Variants in MAP1B observed in about 807,000 individuals in gnomAD.
The protein encoded by MAP1B is microtubule associated protein 1B.
A neutral mutation model predicts 176.1 loss-of-function variants in MAP1B; 12 were observed. The ratio of observed to expected loss-of-function variants is 0.07; its 90% confidence interval spans 0.04 to 0.11. The LOEUF (loss-of-function observed/expected upper bound fraction) is 0.11, where lower values mean the gene tolerates loss of function less well. Among genes scored for constraint, MAP1B ranks in the 10% least tolerant of loss-of-function variants. The pLI, the probability that MAP1B is intolerant of heterozygous loss-of-function variation, is 1.00. For synonymous variants in MAP1B, 1,044 were observed against 1,135.0 expected, an observed-to-expected ratio of 0.92 and a Z score of 1.61; for missense variants, 2,523 against 2,990.5, an observed-to-expected ratio of 0.84 and a Z score of 3.65.
At chr5:72,183,964 C>T in intron 3 of MAP1B, 139 bp downstream of exon 3, 1 of 683,878 alleles carries the variant, frequency 1.5e-6, no homozygotes, top group South Asian at 1.9e-5. Context: ...TCTTTCTCAA[C>T]CCCCATTAAG....
chr5:72,122,872 C>T (rs1745556655), intron 2 of MAP1B, among the ~76,000 whole-genome samples: 1 of 152,192 alleles, frequency 6.6e-6, no homozygotes, highest in African/African-American at 2.4e-5. Flanking sequence ...AAGGACAGCA[C>T]CTCATGCTGA....
chr5:72,150,905 G>A (rs1385469304), intron 2 of MAP1B, among the ~76,000 whole-genome samples: 1 of 152,196 alleles, frequency 6.6e-6, no homozygotes, highest in Non-Finnish European at 1.5e-5. Context: ...GGGTAGGTCA[G>A]CTGTGGAGGT....
Position 72,194,711 on chromosome 5 carries a change from T to C in MAP1B, c.1356T>C (p.Ile452=), listed in dbSNP as rs2112232445. ...TGTNKDKAEF[I]LPNGQEVDLP... ...CCAACAAAGACAAGGCTGAATTCAT[T>C]CTGCCTAATGGTCAAGAAGTAGATC... is the stretch of plus-strand genomic sequence containing the variant. Residue 452 remains isoleucine (I), a synonymous_variant, in exon 5 of 7, where the codon ATT becomes ATC. Coordinates refer to ENST00000296755, the MANE Select transcript of MAP1B (RefSeq NM_005909.5). The surrounding 1 kb of genome is among the most constrained non-coding windows in gnomAD (Gnocchi z 7.2). 1 of 1,614,208 alleles carries C rather than the reference T, an allele frequency of 6.2e-7. No homozygotes were observed. The highest frequency in any genetic ancestry group is 8.5e-7 in the Non-Finnish European group (1 of 1,180,042).
chr5:72,120,599 T>G (rs1745510368), intron 2 of MAP1B, among the ~76,000 whole-genome samples: 1 of 151,808 alleles, frequency 6.6e-6, no homozygotes, highest in Non-Finnish European at 1.5e-5. Flanking sequence ...TATTTTTTTT[T>G]GTATTTTTAG....
intron 2 of MAP1B, among the ~76,000 whole-genome samples, chr5:72,171,727 C>T (rs554556962): frequency 1.3e-5 from 2 of 152,194 alleles, no homozygotes; most frequent in Admixed American, 6.5e-5. Flanking sequence ...GGATAAAGAA[C>T]AGGAAAGTAG....
intron 1 of MAP1B, among the ~76,000 whole-genome samples, chr5:72,113,766 A>C (rs567660062): frequency 6.8e-4 from 104 of 152,360 alleles, no homozygotes; most frequent in African/African-American, 2.4e-3. Flanking sequence ...AACAATACCA[A>C]TTAAGCAGCT....
chr5:72,193,810 C>T (rs1747082248), intron 4 of MAP1B, 56 bp from the exon 5 acceptor site: 1 of 1,471,086 alleles, frequency 6.8e-7, no homozygotes, highest in African/African-American at 1.4e-5. Flanking sequence ...GATGATGGAT[C>T]AGTGATGATA....
rs1747252245 is a variant in MAP1B at position 72,198,881 on chromosome 5, A to C, written c.5526A>C (p.Gln1842His). Reference sequence around the variant, plus strand: ...CCTCAGTGTTATTCGATACAATGCAACACCATCTAGCCTTGAATAGAGATT... The same window carrying C: ...CCTCAGTGTTATTCGATACAATGCACCACCATCTAGCCTTGAATAGAGATT... ...FRASVLFDTM[Q>H]HHLALNRDLS... Residue 1842 changes from glutamine (Q) to histidine (H), a missense_variant, in exon 5 of 7, where the codon CAA becomes CAC. Physicochemically the swap from Gln to His is conservative, Grantham distance 24. Transcript: ENST00000296755. 3 of 1,614,202 alleles carry C rather than the reference A, an allele frequency of 1.9e-6. No individual in the cohort carries two copies. The highest frequency in any genetic ancestry group is 2.5e-6 in the Non-Finnish European group (3 of 1,180,040).
Position 72,196,537 on chromosome 5 carries a change from A to G in MAP1B, c.3182A>G (p.Gln1061Arg). Reference protein sequence around the residue: ...KAAEAGGAEEQYGFLTTPTKQ... With the variant: ...KAAEAGGAEERYGFLTTPTKQ... ...GCAGAGGCTGGTGGTGCCGAGGAGC[A>G]GTATGGATTCCTCACCACACCAACC... The change falls in exon 5 of 7, where the codon CAG (glutamine) becomes CGG (arginine). Residue 1061 changes from glutamine to arginine, a missense_variant. Physicochemically the swap from Gln to Arg is conservative, Grantham distance 43 (BLOSUM62 1). Coordinates refer to ENST00000296755, the MANE Select transcript of MAP1B (RefSeq NM_005909.5). The surrounding 1 kb of genome is among the most constrained non-coding windows in gnomAD (Gnocchi z 5.3). The G allele has an allele frequency of 3.7e-6, 6 of 1,613,844 alleles. No individual in the cohort carries two copies. Among genetic ancestry groups the G allele is most frequent in the Non-Finnish European group, 4.2e-6 (5 of 1,180,048 alleles).
intron 2 of MAP1B, among the ~76,000 whole-genome samples, chr5:72,127,600 G>A (rs1686724924): frequency 6.6e-6 from 1 of 152,004 alleles, no homozygotes. Flanking sequence ...AGAACTTAAA[G>A]TATAATTTTA....
chr5:72,132,263 T>C (rs1745747058), intron 2 of MAP1B, among the ~76,000 whole-genome samples: 1 of 152,216 alleles, frequency 6.6e-6, no homozygotes. Context: ...AAATACGGTG[T>C]AAGGAAATGT....
At chr5:72,179,747 A>C (rs1746728060) in intron 2 of MAP1B, 1 of 985,286 alleles carries the variant, frequency 1.0e-6, no homozygotes, top group Non-Finnish European at 1.2e-6. Flanking sequence ...CCTTCATTCA[A>C]ATCCGATCCT....
chr5:72,120,059 C>T (rs571937679), intron 2 of MAP1B, among the ~76,000 whole-genome samples: 1 of 152,246 alleles, frequency 6.6e-6, no homozygotes, highest in African/African-American at 2.4e-5. Context: ...AAGGATATCT[C>T]CCAGGGGTTG....
chr5:72,173,136 A>T (rs1250387218), intron 2 of MAP1B, among the ~76,000 whole-genome samples: 1 of 152,352 alleles, frequency 6.6e-6, no homozygotes, highest in South Asian at 2.1e-4. Flanking sequence ...TAATGTGCAC[A>T]TTACATCAGA....
rs758412577 is a variant in MAP1B, at chr5:72,194,197, A to G, written c.842A>G (p.Asn281Ser). Residue 281 changes from asparagine to serine, a missense_variant, in exon 5 of 7, where the codon AAT (asparagine) becomes AGT (serine). Asn to Ser is a conservative substitution (Grantham distance 46, BLOSUM62 1). Coordinates refer to ENST00000296755, the MANE Select transcript of MAP1B (RefSeq NM_005909.5). The surrounding 1 kb of genome is among the most constrained non-coding windows in gnomAD (Gnocchi z 7.2). ...DSALFAVNGF[N>S]MLINGGSERK... ...GCCTTGTTTGCAGTGAATGGTTTCA[A>G]TATGCTCATCAATGGCGGATCAGAG... The G allele has an allele frequency of 6.2e-7, 1 of 1,614,184 alleles. No homozygotes were observed. Among genetic ancestry groups the G allele is most frequent in the Non-Finnish European group, 8.5e-7 (1 of 1,180,038 alleles).
Position 72,196,429 on chromosome 5 carries a change from A to G in MAP1B, c.3074A>G (p.Lys1025Arg), listed in dbSNP as rs200910252. The G allele has an allele frequency of 1.2e-6, 2 of 1,613,932 alleles. No individual in the cohort carries two copies. Among genetic ancestry groups the G allele is most frequent in the East Asian group, 4.5e-5 (2 of 44,882 alleles). The change falls in exon 5 of 7, where the codon AAA (lysine) becomes AGA (arginine). Residue 1025 changes from lysine (K) to arginine (R), a missense_variant. This residue lies in a region of MAP1B where 1,925 missense variants were observed against 2,126.0 expected (regional missense o/e 0.91). Transcript: ENST00000296755. The surrounding 1 kb of genome is among the most constrained non-coding windows in gnomAD (Gnocchi z 5.3). ...QSEEEADEED[K>R]AEDAREEEYE... is the part of the protein sequence containing the mutation. ...GAAGAGGAGGCTGATGAGGAGGACAAAGCTGAAGATGCCAGAGAGGAGGAA... is the reference window on the plus strand; with the variant it reads ...GAAGAGGAGGCTGATGAGGAGGACAGAGCTGAAGATGCCAGAGAGGAGGAA...
rs1747454368 is a variant in MAP1B, at chr5:72,206,589, G to A, written c.*1350G>A. The A allele has an allele frequency of 1.3e-5, 2 of 152,464 alleles. No homozygotes were observed. The highest frequency in any genetic ancestry group is 2.1e-4 in the South Asian group (1 of 4,832). The allele number at this position is 152,464 out of a possible 1,614,324, so 9.4% of individuals were successfully genotyped here. On this transcript the variant is annotated 3_prime_UTR_variant, in exon 7 of 7. Coordinates refer to ENST00000296755, the MANE Select transcript of MAP1B (RefSeq NM_005909.5). ...AATTTCAACATAATTATGGGAACAAGTGTACAGAAGAATTTTTTTTTTAAG... is the reference window on the plus strand; with the variant it reads ...AATTTCAACATAATTATGGGAACAAATGTACAGAAGAATTTTTTTTTTAAG...
chr5:72,190,557 A>G (rs1375369639), intron 4 of MAP1B, among the ~76,000 whole-genome samples: 1 of 152,210 alleles, frequency 6.6e-6, no homozygotes, highest in Non-Finnish European at 1.5e-5. Flanking sequence ...GCTTTTATAA[A>G]TACCTTAATT....
At chr5:72,151,235 C>A (rs1334537887) in intron 2 of MAP1B, among the ~76,000 whole-genome samples, 1 of 152,126 alleles carries the variant, frequency 6.6e-6, no homozygotes, top group Non-Finnish European at 1.5e-5. Flanking sequence ...CTCCTGGGAA[C>A]TAATCCCATC....
Sources: allele counts gnomAD v4.1 joint callset (sites outside exome capture counted in the v4.1 genomes callset), GRCh38; gene constraint gnomAD v4.1.1; regional missense constraint gnomAD v4.1.1; non-coding constraint Gnocchi (gnomAD v3.1); transcripts MANE v1.5; gene names NCBI Gene and HGNC (gene_info 2026-07-23, HGNC 2026-07-21).